Variants in ABRAXAS1 observed in about 807,000 individuals in gnomAD.
The protein encoded by ABRAXAS1 is BRCA1-A complex subunit Abraxas 1.
In ABRAXAS1, 26 loss-of-function variants were observed where a neutral mutation model predicts 38.4. That is an observed-to-expected ratio of 0.68 (90% CI 0.50 to 0.94). The LOEUF (loss-of-function observed/expected upper bound fraction) is 0.94, where lower values mean the gene tolerates loss of function less well. Among genes scored for constraint, ABRAXAS1 ranks in the 40% least tolerant of loss-of-function variants. ABRAXAS1 has a pLI of 0.00. For missense variants in ABRAXAS1, 438 were observed against 481.9 expected, an observed-to-expected ratio of 0.91 and a Z score of 0.85; for synonymous variants, 144 against 165.5, an observed-to-expected ratio of 0.87 and a Z score of 1.00.
At chr4:83,477,353 A>C (rs1224344630) in intron 2 of ABRAXAS1, among the ~76,000 whole-genome samples, 1 of 152,064 alleles carries the variant, frequency 6.6e-6, no homozygotes, top group East Asian at 1.9e-4. Flanking sequence ...TTAAAAAATA[A>C]TCTTGTATTG....
At chr4:83,463,461 A>G in intron 8 of ABRAXAS1, 33 bp downstream of exon 8, 1 of 1,430,312 alleles carries the variant, frequency 7.0e-7, no homozygotes, top group Non-Finnish European at 9.6e-7. Flanking sequence ...AAAAATTTTT[A>G]GCACAGAAAG....
At chr4:83,479,445 TTA>T (rs1722902190) in intron 2 of ABRAXAS1, 1 of 151,430 alleles carries the variant, frequency 6.6e-6, no homozygotes, top group African/African-American at 2.4e-5. Flanking sequence ...CTAGGCACTT[TTA>T]TATACTGTGG....
intron 3 of ABRAXAS1, 86 bp downstream of exon 3, chr4:83,476,557 A>C (rs1303521469): frequency 1.0e-6 from 1 of 972,530 alleles, no homozygotes; most frequent in Non-Finnish European, 1.6e-6. Flanking sequence ...GTTATAACTA[A>C]GATAATCTGT....
At chr4:83,477,129 AT>A (rs1265023171) in intron 2 of ABRAXAS1, among the ~76,000 whole-genome samples, 1 of 152,200 alleles carries the variant, frequency 6.6e-6, no homozygotes. Flanking sequence ...TTGATCTTGG[AT>A]TTTACGTGTT....
In ABRAXAS1 at chr4:83,485,049, C is replaced by T. The variant is rs1419735220; in HGVS notation, c.24G>A (p.Ala8=). Residue 8 remains alanine, a synonymous_variant, in exon 1 of 9, where the codon GCG becomes GCA. Transcript: ENST00000321945. MEGESTS[A]VLSGFVLGAL... is the part of the protein sequence containing the mutation. ...CGCCGAGCACAAAGCCCGAGAGCAC[C>T]GCCGACGTACTCTCCCCCTCCATGC... 2 of 1,594,006 alleles carry T rather than the reference C, an allele frequency of 1.3e-6. No individual in the cohort carries two copies. The highest frequency in any genetic ancestry group is 1.7e-5 in the Admixed American group (1 of 58,548).
intron 8 of ABRAXAS1, 37 bp downstream of exon 8, chr4:83,463,457 T>G (rs190760959): frequency 7.0e-7 from 1 of 1,422,700 alleles, no homozygotes; most frequent in African/African-American, 1.4e-5. Context: ...AAATAAAAAT[T>G]TTTAGCACAG....
At chr4:83,468,140 TA>T (rs1469672646) in intron 6 of ABRAXAS1, among the ~76,000 whole-genome samples, 1 of 151,244 alleles carries the variant, frequency 6.6e-6, no homozygotes. Flanking sequence ...CCGTCTCTAC[TA>T]AAAAAAATAC....
chr4:83,461,460 C>T lies in ABRAXAS1; in HGVS notation c.*1009G>A. On this transcript the variant is annotated 3_prime_UTR_variant, in exon 9 of 9. Transcript: ENST00000321945. ...CAAATAGCTCATACAATAATCCATTCAATAGAATGGAATTAAAACTGTTCA... is the reference window on the plus strand; with the variant it reads ...CAAATAGCTCATACAATAATCCATTTAATAGAATGGAATTAAAACTGTTCA... The T allele has an allele frequency of 2.4e-6, 1 of 414,082 alleles. No homozygotes were observed. Among genetic ancestry groups the T allele is most frequent in the Non-Finnish European group, 4.5e-6 (1 of 223,242 alleles). The allele number at this position is 414,082 out of a possible 1,614,324, so 25.7% of individuals were successfully genotyped here.
Position 83,472,289 on chromosome 4 carries a change from C to T in ABRAXAS1, c.216-1G>A. ...TACTTCGCCTGAAGAATTATAAAAG[C>T]TGTAAAAGCCAAAATTAAAGGTATT... On this transcript the variant is annotated splice_acceptor_variant, in intron 3 of 8. Coordinates refer to ENST00000321945, the MANE Select transcript of ABRAXAS1 (RefSeq NM_139076.3). LOFTEE classifies it high-confidence loss of function. 1 of 1,496,846 alleles carries T rather than the reference C, an allele frequency of 6.7e-7. No homozygotes were observed. 92.7% of individuals were successfully genotyped at this position (1,496,846 alleles called of 1,614,324 possible). A position where few individuals can be genotyped will look rare whatever the true frequency, so the allele number is the denominator to read the frequency against.
In ABRAXAS1 at chr4:83,459,723, A is replaced by G. The variant is rs1193248255; in HGVS notation, c.*2746T>C. ...ACAGATACTTTTTTTTCCCCTCCAC[A>G]TAAAACTCCAAAACAGCTTTTGTCC... On this transcript the variant is annotated 3_prime_UTR_variant, in exon 9 of 9. Transcript: ENST00000321945. The G allele has an allele frequency of 1.9e-6, 3 of 1,605,720 alleles. No individual in the cohort carries two copies. The highest frequency in any genetic ancestry group is 2.6e-6 in the Non-Finnish European group (3 of 1,175,994).
chr4:83,475,682 G>T (rs76072393), intron 3 of ABRAXAS1, among the ~76,000 whole-genome samples: 3,632 of 152,158 alleles, frequency 0.024, 137 homozygotes, highest in African/African-American at 0.083. Flanking sequence ...TTCTTGCGTG[G>T]TTTATATAAA....
At chr4:83,468,251 G>C (rs1578126865) in intron 6 of ABRAXAS1, among the ~76,000 whole-genome samples, 1 of 150,860 alleles carries the variant, frequency 6.6e-6, no homozygotes, top group East Asian at 1.9e-4. Flanking sequence ...GTTGCAGTGA[G>C]CTGAAATCAT....
Position 83,460,838 on chromosome 4 carries a change from G to A in ABRAXAS1, c.*1631C>T. On this transcript the variant is annotated 3_prime_UTR_variant, in exon 9 of 9. Transcript: ENST00000321945. ...AGATAATCGATTGAGCCTGGGTGGC[G>A]GAGGTTGCAGTGAGGCGAGAGAGCA... is the stretch of plus-strand genomic sequence containing the variant. The A allele has an allele frequency of 2.9e-6, 2 of 691,662 alleles. No individual in the cohort carries two copies. Among genetic ancestry groups the A allele is most frequent in the East Asian group, 2.8e-5 (1 of 36,318 alleles). 42.8% of individuals were successfully genotyped at this position (691,662 alleles called of 1,614,324 possible). A position where few individuals can be genotyped will look rare whatever the true frequency, so the allele number is the denominator to read the frequency against.
intron 7 of ABRAXAS1, 157 bp downstream of exon 7, chr4:83,467,297 C>A (rs1172992315): frequency 7.4e-6 from 4 of 539,308 alleles, no homozygotes; most frequent in Non-Finnish European, 1.3e-5. Context: ...ATAAAACTGC[C>A]TAATGACACA....
rs1722084104 is a variant in ABRAXAS1, at chr4:83,460,999, AT to A, written c.*1469del. 6.2e-7 allele frequency: 1 copy of A among 1,609,008 alleles called. No homozygotes were observed. Among genetic ancestry groups the A allele is most frequent in the Non-Finnish European group, 8.5e-7 (1 of 1,178,656 alleles). On this transcript the variant is annotated 3_prime_UTR_variant, in exon 9 of 9. Transcript: ENST00000321945. The stretch of plus-strand genomic sequence containing the variant: ...TCTTTGTGGGAAGAAACAGAAAGAA[AT>A]CACAAAAGCAATTAAGAGAGCTCAA...
chr4:83,461,406 CTG>C lies in ABRAXAS1; in HGVS notation c.*1061_*1062del. On this transcript the variant is annotated 3_prime_UTR_variant, in exon 9 of 9. Coordinates refer to ENST00000321945, the MANE Select transcript of ABRAXAS1 (RefSeq NM_139076.3). ...TTATCTATGTTGAATAAAAGTGGTT[CTG>C]TGTGATTGTCATTTATATCTGATCC... 1 of 513,910 alleles carries C rather than the reference CTG, an allele frequency of 1.9e-6. No individual in the cohort carries two copies. The highest frequency in any genetic ancestry group is 3.5e-6 in the Non-Finnish European group (1 of 283,848). 31.8% of individuals were successfully genotyped at this position (513,910 alleles called of 1,614,324 possible). A position where few individuals can be genotyped will look rare whatever the true frequency, so the allele number is the denominator to read the frequency against.
At position 83,478,384 on chromosome 4, in the gene ABRAXAS1, T is replaced by C. The variant is rs556239941; in HGVS notation, c.179-1705A>G. On this transcript the variant is annotated intron_variant, in intron 2 of 8. Coordinates refer to ENST00000321945, the MANE Select transcript of ABRAXAS1 (RefSeq NM_139076.3). Reference sequence around the variant, plus strand: ...TGGCGTGGACCCTGGAACATCATTCTTTAAATTACATATGAGTAGCTCAAG... The same window carrying C: ...TGGCGTGGACCCTGGAACATCATTCCTTAAATTACATATGAGTAGCTCAAG... 5.1e-5 allele frequency: 29 copies of C among 566,986 alleles called. No individual in the cohort carries two copies. In the Admixed American group the frequency reaches 5.7e-4, roughly 11 times the overall value. The allele number at this position is 566,986 out of a possible 1,614,324, so 35.1% of individuals were successfully genotyped here.
At chr4:83,469,640 AAC>A (rs1222788040) in intron 5 of ABRAXAS1, 1 of 159,142 alleles carries the variant, frequency 6.3e-6, no homozygotes, top group African/African-American at 2.4e-5. Flanking sequence ...AGTGTGGAAA[AAC>A]AGTTTAATGG....
At position 83,480,465 on chromosome 4, in the gene ABRAXAS1, T is replaced by C. The variant is rs1319222898; in HGVS notation, c.178+1689A>G. On this transcript the variant is annotated intron_variant, in intron 2 of 8. Coordinates refer to ENST00000321945, the MANE Select transcript of ABRAXAS1 (RefSeq NM_139076.3). ...AATATTGCAAGCTAGTAAGAATCCA[T>C]GAAATAGTAGTTGCCACTAAGGAAA... 5 of 260,802 alleles carry C rather than the reference T, an allele frequency of 1.9e-5. 1 individual carries two copies. The highest frequency in any genetic ancestry group is 1.2e-4 in the South Asian group (4 of 32,306). 16.2% of individuals were successfully genotyped at this position (260,802 alleles called of 1,614,324 possible). A position where few individuals can be genotyped will look rare whatever the true frequency, so the allele number is the denominator to read the frequency against.
Sources: allele counts gnomAD v4.1 joint callset (sites outside exome capture counted in the v4.1 genomes callset), GRCh38; gene constraint gnomAD v4.1.1; transcripts MANE v1.5; gene names NCBI Gene and HGNC (gene_info 2026-07-23, HGNC 2026-07-21).